SEMA3D: variants seen among roughly 807,000 people sequenced by gnomAD.
SEMA3D encodes semaphorin-3D.
In SEMA3D, 84 loss-of-function variants were observed where a neutral mutation model predicts 100.1. The observed-to-expected ratio is 0.84, with a 90% CI of 0.70 to 1.01. The LOEUF is 1.01. Among genes scored for constraint, SEMA3D ranks in the 50% least tolerant of loss-of-function variants. The pLI, the probability that SEMA3D is intolerant of heterozygous loss-of-function variation, is 0.00. For missense variants in SEMA3D, 875 were observed against 934.1 expected (o/e 0.94, Z 0.82); for synonymous variants, 312 against 320.7 (o/e 0.97, Z 0.29).
chr7:85,031,780 T>C (rs1790557323), intron 12 of SEMA3D, among the ~76,000 whole-genome samples: 1 of 151,922 alleles, frequency 6.6e-6, no homozygotes, highest in African/African-American at 2.4e-5. Context: ...AGTGTCTGGA[T>C]CATAAGAAGT....
intron 16 of SEMA3D, among the ~76,000 whole-genome samples, chr7:85,013,411 C>G (rs1790012252): frequency 6.6e-6 from 1 of 151,590 alleles, no homozygotes; most frequent in Non-Finnish European, 1.5e-5. Flanking sequence ...ATGAGTAGCT[C>G]AAATTGTTTT....
chr7:85,249,578 C>A, the SEMA3D span, among the ~76,000 whole-genome samples: 1 of 152,164 alleles, frequency 6.6e-6, no homozygotes, highest in South Asian at 2.1e-4. Flanking sequence ...TTGAAAATAT[C>A]ACACTTTCTT....
intron 1 of SEMA3D, among the ~76,000 whole-genome samples, chr7:85,159,077 AC>A (rs1314278740): frequency 6.6e-6 from 1 of 151,784 alleles, no homozygotes; most frequent in Non-Finnish European, 1.5e-5. Flanking sequence ...TAGTTCCTCA[AC>A]CCCTTTCGTC....
chr7:85,011,873 G>A (rs1359962815), intron 17 of SEMA3D, among the ~76,000 whole-genome samples: 1 of 151,632 alleles, frequency 6.6e-6, no homozygotes, highest in Non-Finnish European at 1.5e-5. Context: ...TGAAATTTGG[G>A]TTATTTACAT....
chr7:85,035,206 T>C (rs1698541368), intron 12 of SEMA3D, among the ~76,000 whole-genome samples: 3 of 151,340 alleles, frequency 2.0e-5, no homozygotes, highest in Non-Finnish European at 4.4e-5. Flanking sequence ...ACTTGTATCA[T>C]ATATAAATGT....
At chr7:85,045,693 T>C (rs1790988193) in intron 9 of SEMA3D, among the ~76,000 whole-genome samples, 1 of 151,872 alleles carries the variant, frequency 6.6e-6, no homozygotes, top group South Asian at 2.1e-4. Flanking sequence ...TTTCTCCTAA[T>C]GTAACAATGA....
At chr7:85,186,371 GA>G (rs1339702718) in intron 1 of SEMA3D, among the ~76,000 whole-genome samples, 3 of 152,178 alleles carry the variant, frequency 2.0e-5, no homozygotes, top group African/African-American at 7.2e-5. Flanking sequence ...GTCTCAGGAG[GA>G]AAACTTTGTG....
At chr7:85,227,895 G>T in the SEMA3D span, among the ~76,000 whole-genome samples, 4 of 152,018 alleles carry the variant, frequency 2.6e-5, no homozygotes, top group South Asian at 8.3e-4. Flanking sequence ...TTTCCATGGC[G>T]AATCACAATG....
At chr7:85,166,440 G>T (rs532086917) in intron 1 of SEMA3D, among the ~76,000 whole-genome samples, 1 of 152,104 alleles carries the variant, frequency 6.6e-6, no homozygotes, top group South Asian at 2.1e-4. Context: ...AAGAAAACTT[G>T]CTGAAGTGAT....
chr7:85,159,747 G>T, intron 1 of SEMA3D: 1 of 678,900 alleles, frequency 1.5e-6, no homozygotes, highest in Non-Finnish European at 1.8e-6. Flanking sequence ...CACAGTGACA[G>T]AATGTAAATG....
the SEMA3D span, among the ~76,000 whole-genome samples, chr7:85,195,511 G>C: frequency 6.6e-6 from 1 of 152,114 alleles, no homozygotes; most frequent in East Asian, 1.9e-4. Flanking sequence ...AGAGTGCAGT[G>C]TCATGGTCAC....
At chr7:85,131,583 T>C (rs985427570) in intron 2 of SEMA3D, among the ~76,000 whole-genome samples, 2 of 152,038 alleles carry the variant, frequency 1.3e-5, no homozygotes, top group African/African-American at 4.8e-5. Flanking sequence ...CAAAGAAGTG[T>C]GCTTCCTTTA....
rs1450720808 is a variant in SEMA3D at position 84,996,814 on chromosome 7, T to C, written c.*2626A>G. 1 of 152,050 alleles carries C rather than the reference T, an allele frequency of 6.6e-6. No homozygotes were observed. The highest frequency in any genetic ancestry group is 1.5e-5 in the Non-Finnish European group (1 of 67,912). 9.4% of individuals were successfully genotyped at this position (152,050 alleles called of 1,614,324 possible). ...ATATTTGAAACCATTAACTATACTT[T>C]TCTTTTTCATTATTTTAAGGCAAAT... On this transcript the variant is annotated 3_prime_UTR_variant, in exon 19 of 19. Coordinates refer to ENST00000284136, the MANE Select transcript of SEMA3D (RefSeq NM_001384900.1).
chr7:85,037,345 G>C (rs1461845550), intron 11 of SEMA3D, among the ~76,000 whole-genome samples: 2 of 152,138 alleles, frequency 1.3e-5, no homozygotes, highest in Non-Finnish European at 2.9e-5. Context: ...TAGATAAACA[G>C]AAATTATATA....
In SEMA3D at chr7:85,067,818, T is replaced by A. The variant is rs75959899; in HGVS notation, c.589+373A>T. 2.9e-3 allele frequency among the ~76,000 whole-genome samples: 443 copies of A among 152,304 alleles called. 1 individual carries two copies. The highest frequency in any genetic ancestry group is 0.01 in the African/African-American group (421 of 41,586). ...CTATAGCTTGATTAATTTGGTTTAA[T>A]TTACCCACATATGGAATTGCCAAAT... On this transcript the variant is annotated intron_variant, in intron 7 of 18. Coordinates refer to ENST00000284136, the MANE Select transcript of SEMA3D (RefSeq NM_001384900.1).
the SEMA3D span, among the ~76,000 whole-genome samples, chr7:85,213,306 T>C: frequency 6.6e-6 from 1 of 152,034 alleles, no homozygotes; most frequent in Non-Finnish European, 1.5e-5. Flanking sequence ...GATTTTTGAA[T>C]AGTTTCTACA....
chr7:85,144,522 T>C, intron 2 of SEMA3D: 1 of 983,870 alleles, frequency 1.0e-6, no homozygotes, highest in Non-Finnish European at 1.2e-6. Context: ...ATTTTTTGCC[T>C]TATGCTTCAT....
At chr7:85,128,031 C>CT (rs538316570) in intron 2 of SEMA3D, among the ~76,000 whole-genome samples, 151 of 144,748 alleles carry the variant, frequency 1.0e-3, no homozygotes, top group East Asian at 7.4e-3. Flanking sequence ...GGTATATCTG[C>CT]TTTTTTTTTT....
intron 2 of SEMA3D, among the ~76,000 whole-genome samples, chr7:85,147,062 G>A (rs1583966672): frequency 8.0e-6 from 1 of 125,264 alleles, no homozygotes; most frequent in East Asian, 2.3e-4. Context: ...GGAATTTTCT[G>A]TCCATCTTTC....
Sources: allele counts gnomAD v4.1 joint callset (sites outside exome capture counted in the v4.1 genomes callset), GRCh38; gene constraint gnomAD v4.1.1; transcripts MANE v1.5; gene names NCBI Gene and HGNC (gene_info 2026-07-23, HGNC 2026-07-21).